The following GNG7 variants were observed in gnomAD, a reference collection of about 807,000 sequenced individuals.
GNG7 encodes the protein guanine nucleotide-binding protein G(I)/G(S)/G(O) subunit gamma-7.
GNG7 carries 1 observed loss-of-function variant against 4.0 expected under a neutral mutation model. The ratio of observed to expected loss-of-function variants is 0.25; its 90% CI spans 0.09 to 1.18. GNG7 has a LOEUF of 1.18. Ranked by LOEUF, GNG7 falls within the 50% of genes most tolerant of loss-of-function variation. The pLI is 0.50. For missense variants in GNG7, 86 were observed against 91.9 expected, an observed-to-expected ratio of 0.94 and a Z score of 0.26; for synonymous variants, 34 against 36.9, an observed-to-expected ratio of 0.92 and a Z score of 0.29.
At chr19:2,615,534 C>A (rs1466286074) in intron 2 of GNG7, among the ~76,000 whole-genome samples, 1 of 141,042 alleles carries the variant, frequency 7.1e-6, no homozygotes, top group African/African-American at 2.6e-5. Flanking sequence ...GCAGTCACAG[C>A]TCACTGCAAC....
intron 3 of GNG7, among the ~76,000 whole-genome samples, chr19:2,549,439 C>T (rs548167796): frequency 1.2e-3 from 187 of 152,032 alleles, no homozygotes; most frequent in Middle Eastern, 6.8e-3. Flanking sequence ...TACAGGCGCC[C>T]GCCACCGCAC....
At chr19:2,677,284 T>C (rs929885713) in intron 1 of GNG7, among the ~76,000 whole-genome samples, 6 of 151,050 alleles carry the variant, frequency 4.0e-5, no homozygotes, top group African/African-American at 1.5e-4. Flanking sequence ...TTCCTTTCTA[T>C]ACAACCGTGG....
intron 2 of GNG7, among the ~76,000 whole-genome samples, chr19:2,605,191 CTGT>C (rs1981339662): frequency 2.0e-5 from 3 of 152,088 alleles, no homozygotes. Flanking sequence ...TCAAATCTCA[CTGT>C]TGTTTTTTTT....
chr19:2,642,728 A>G, intron 2 of GNG7: 1 of 450,544 alleles, frequency 2.2e-6, no homozygotes, highest in Non-Finnish European at 4.5e-6. Flanking sequence ...TCCTGGGCTC[A>G]AGCCATCCTC....
chr19:2,574,922 G>C (rs1160593820), intron 2 of GNG7, among the ~76,000 whole-genome samples: 1 of 152,146 alleles, frequency 6.6e-6, no homozygotes, highest in African/African-American at 2.4e-5. Context: ...AAATGGGCTC[G>C]TGGTTTCTCC....
intron 2 of GNG7, among the ~76,000 whole-genome samples, chr19:2,627,214 C>T (rs1200068167): frequency 1.3e-5 from 2 of 151,520 alleles, no homozygotes; most frequent in Admixed American, 6.6e-5. Context: ...TGGGTGATGT[C>T]TGGGGATATT....
chr19:2,512,035 A>AC lies in GNG7; in HGVS notation c.*2986dup. ...GGAAGGCCCGTGGGAGACCCAGGCT[A>AC]CAGAAGGAGAAACGGCCTTCTCTCT... On this transcript the variant is annotated 3_prime_UTR_variant, in exon 5 of 5. Coordinates refer to ENST00000382159, the MANE Select transcript of GNG7 (RefSeq NM_052847.3). This position sits in a 1 kb window ranked among gnomAD's most constrained non-coding sequence, Gnocchi z 4.7. The AC allele has an allele frequency of 1.0e-6, 1 of 985,830 alleles. No individual in the cohort carries two copies. Among genetic ancestry groups the AC allele is most frequent in the Non-Finnish European group, 1.2e-6 (1 of 829,944 alleles). The allele number at this position is 985,830 out of a possible 1,614,324, so 61.1% of individuals were successfully genotyped here.
At chr19:2,670,267 G>T (rs1302587958) in intron 1 of GNG7, among the ~76,000 whole-genome samples, 1 of 152,158 alleles carries the variant, frequency 6.6e-6, no homozygotes, top group Admixed American at 6.5e-5. Context: ...CCTCAGCCTG[G>T]CTCCAGAGGA....
intron 2 of GNG7, among the ~76,000 whole-genome samples, chr19:2,567,267 T>C (rs1979947943): frequency 6.6e-6 from 1 of 151,868 alleles, no homozygotes; most frequent in Non-Finnish European, 1.5e-5. Context: ...ATCATTCCTG[T>C]AGTGATGCTT....
chr19:2,606,872 T>C (rs1225420367), intron 2 of GNG7, among the ~76,000 whole-genome samples: 1 of 151,664 alleles, frequency 6.6e-6, no homozygotes, highest in African/African-American at 2.4e-5. Context: ...TAGATAGTGC[T>C]GGTGTTTGCA....
intron 1 of GNG7, among the ~76,000 whole-genome samples, chr19:2,701,491 AAC>A (rs1913399662): frequency 7.4e-6 from 1 of 135,358 alleles, no homozygotes; most frequent in Non-Finnish European, 1.5e-5. Flanking sequence ...CCCTTTCTGG[AAC>A]AAGCCTGACC....
chr19:2,537,618 A>C (rs1978783892), intron 3 of GNG7, among the ~76,000 whole-genome samples: 1 of 151,804 alleles, frequency 6.6e-6, no homozygotes, highest in South Asian at 2.1e-4. Flanking sequence ...GAGCATGCTC[A>C]AAGTGTACGG....
intron 1 of GNG7, among the ~76,000 whole-genome samples, chr19:2,675,240 A>G (rs1375581478): frequency 6.6e-6 from 1 of 152,224 alleles, no homozygotes; most frequent in Non-Finnish European, 1.5e-5. Flanking sequence ...CTGAAGAACT[A>G]ACAGGTCTCT....
chr19:2,689,043 G>A (rs576329493), intron 1 of GNG7, among the ~76,000 whole-genome samples: 39 of 151,430 alleles, frequency 2.6e-4, no homozygotes, highest in African/African-American at 8.2e-4. Flanking sequence ...TAGCCTGGGC[G>A]ACAGAGTAAG....
At chr19:2,569,135 GCA>G (rs913025632) in intron 2 of GNG7, among the ~76,000 whole-genome samples, 17 of 151,944 alleles carry the variant, frequency 1.1e-4, no homozygotes, top group African/African-American at 4.1e-4. Context: ...ACAGGTGCGC[GCA>G]CACACACACA....
rs138859321 is a variant in GNG7, at chr19:2,553,728, A to G, written c.-38+1421T>C. Among the ~76,000 whole-genome samples, 807 of 148,880 alleles carry G rather than the reference A, an allele frequency of 5.4e-3. 30 individuals are homozygous for G. The highest frequency in any genetic ancestry group is 0.019 in the African/African-American group (763 of 40,922). ...TACATATAATATATTACATATATGT[A>G]CATATTACATGCAATATATTACATA... On this transcript the variant is annotated intron_variant, in intron 3 of 4. Coordinates refer to ENST00000382159, the MANE Select transcript of GNG7 (RefSeq NM_052847.3).
In GNG7 at chr19:2,552,189, TA is replaced by T. The variant is rs1243129002; in HGVS notation, c.-38+2959del. On this transcript the variant is annotated intron_variant, in intron 3 of 4. Coordinates refer to ENST00000382159, the MANE Select transcript of GNG7 (RefSeq NM_052847.3). The stretch of plus-strand genomic sequence containing the variant: ...CAACATGATAAAACCCCATCTCTAC[TA>T]AAAAATACAAAAAATCAGCCGGAAA... Among the ~76,000 whole-genome samples, 34 of 151,816 alleles carry T rather than the reference TA, an allele frequency of 2.2e-4. No homozygotes were observed. The Middle Eastern group carries it at 0.017, about 76-fold the overall frequency.
intron 2 of GNG7, among the ~76,000 whole-genome samples, chr19:2,607,763 T>C (rs1981436765): frequency 6.6e-6 from 1 of 151,914 alleles, no homozygotes; most frequent in African/African-American, 2.4e-5. Flanking sequence ...CAGTGGCGTC[T>C]CCGCTTCTCA....
rs900911419 is a variant in GNG7, at chr19:2,612,935, G to A, written c.-78+33289C>T. On this transcript the variant is annotated intron_variant, in intron 2 of 4. Transcript: ENST00000382159. The stretch of plus-strand genomic sequence containing the variant: ...TCGAACTCCTGACCTCAGGTGATCC[G>A]TCCGCCTCGGCCTCCCAAAGTGTTG... Among the ~76,000 whole-genome samples the A allele has an allele frequency of 4.6e-5, 7 of 152,000 alleles. No individual in the cohort carries two copies. The South Asian group carries it at 1.0e-3, about 23-fold the overall frequency.
Sources: allele counts gnomAD v4.1 joint callset (sites outside exome capture counted in the v4.1 genomes callset), GRCh38; gene constraint gnomAD v4.1.1; non-coding constraint Gnocchi (gnomAD v3.1); transcripts MANE v1.5; gene names NCBI Gene and HGNC (gene_info 2026-07-23, HGNC 2026-07-21).